The following DNAAF9 variants were observed in gnomAD, a reference collection of about 807,000 sequenced individuals.
DNAAF9 encodes dynein axonemal assembly factor 9, also known as shulin.
DNAAF9 carries 90 observed loss-of-function variants against 167.0 expected under a neutral mutation model. The observed-to-expected ratio is 0.54, with a 90% CI of 0.45 to 0.64. The LOEUF (loss-of-function observed/expected upper bound fraction) is 0.64, where lower values mean the gene tolerates loss of function less well. Ranked by LOEUF, DNAAF9 falls within the 30% of genes least tolerant of loss-of-function variation. The pLI is 0.00. For synonymous variants in DNAAF9, 491 were observed against 508.8 expected, an observed-to-expected ratio of 0.96 and a Z score of 0.47; for missense variants, 1,315 against 1,442.2, an observed-to-expected ratio of 0.91 and a Z score of 1.43.
At chr20:3,311,519 G>A (rs2069413166) in intron 20 of DNAAF9, among the ~76,000 whole-genome samples, 1 of 152,124 alleles carries the variant, frequency 6.6e-6, no homozygotes, top group South Asian at 2.1e-4. Context: ...CTGAGAAGCT[G>A]GGATTACAGG....
At chr20:3,382,728 A>T (rs998402838) in intron 1 of DNAAF9, among the ~76,000 whole-genome samples, 4 of 152,188 alleles carry the variant, frequency 2.6e-5, no homozygotes, top group African/African-American at 4.8e-5. Context: ...TCTGAAGACT[A>T]AGTCTGACCT....
chr20:3,323,274 CTTTTTTT>C (rs71195835), intron 14 of DNAAF9, among the ~76,000 whole-genome samples: 2 of 69,084 alleles, frequency 2.9e-5, no homozygotes, highest in African/African-American at 6.7e-5. Context: ...GTGAAGTAAT[CTTTTTTT>C]TTTTTTTTTT....
intron 29 of DNAAF9, 66 bp downstream of exon 29, chr20:3,278,846 A>C: frequency 8.4e-7 from 1 of 1,185,504 alleles, no homozygotes. Context: ...GCACGAAGAA[A>C]AGTCTATTGC....
chr20:3,262,769 C>T (rs2068414965), intron 31 of DNAAF9, among the ~76,000 whole-genome samples: 1 of 152,150 alleles, frequency 6.6e-6, no homozygotes, highest in Admixed American at 6.5e-5. Context: ...AAGGTTCCCC[C>T]AGAAGCTCCA....
At position 3,370,621 on chromosome 20, in the gene DNAAF9, G is replaced by A. The variant is rs867981617; in HGVS notation, c.612+3427C>T. On this transcript the variant is annotated intron_variant, in intron 6 of 36. Coordinates refer to ENST00000252032, the MANE Select transcript of DNAAF9 (RefSeq NM_001009984.3). Reference sequence around the variant, plus strand: ...GACGGGGTTTCACCATGTTGGCCAGGACGGTCCCGATCTCTTGACCTCATG... The same window carrying A: ...GACGGGGTTTCACCATGTTGGCCAGAACGGTCCCGATCTCTTGACCTCATG... Among the ~76,000 whole-genome samples, 4 of 152,124 alleles carry A rather than the reference G, an allele frequency of 2.6e-5. No individual in the cohort carries two copies. In the South Asian group the frequency reaches 8.3e-4, roughly 32 times the overall value.
intron 1 of DNAAF9, among the ~76,000 whole-genome samples, chr20:3,385,575 GCCA>G (rs1272054634): frequency 6.6e-6 from 1 of 152,052 alleles, no homozygotes; most frequent in African/African-American, 2.4e-5. Context: ...ACAGACACAT[GCCA>G]CCACACAAGC....
chr20:3,264,864 G>A (rs1040719413), intron 30 of DNAAF9, among the ~76,000 whole-genome samples: 2 of 152,092 alleles, frequency 1.3e-5, no homozygotes, highest in African/African-American at 4.8e-5. Context: ...CACCGAGCCC[G>A]GCCAGGACTG....
chr20:3,376,067 T>C (rs1328336055), intron 4 of DNAAF9, 111 bp downstream of exon 4: 2 of 981,934 alleles, frequency 2.0e-6, no homozygotes, highest in Non-Finnish European at 3.0e-6. Context: ...ATAATCTTTT[T>C]TATATAGTCA....
At position 3,359,570 on chromosome 20, in the gene DNAAF9, T is replaced by A; in HGVS notation, c.636A>T (p.Leu212=). 6.2e-7 allele frequency: 1 copy of A among 1,612,828 alleles called. No individual in the cohort carries two copies. Among genetic ancestry groups the A allele is most frequent in the Non-Finnish European group, 8.5e-7 (1 of 1,179,526 alleles). Reference sequence around the variant, plus strand: ...GATCCATCTTGCTGTAGACATTCCATAGATTCAAACTCACATCCTGCAACT... The same window carrying A: ...GATCCATCTTGCTGTAGACATTCCAAAGATTCAAACTCACATCCTGCAACT... The part of the protein sequence containing the change: ...KYELQDVSLN[L]WNVYSKMDPM... The change falls in exon 7 of 37, where the codon CTA becomes CTT. Residue 212 remains leucine, a synonymous_variant. Transcript: ENST00000252032.
chr20:3,341,202 T>C (rs2070077950), intron 9 of DNAAF9, among the ~76,000 whole-genome samples: 1 of 152,260 alleles, frequency 6.6e-6, no homozygotes, highest in East Asian at 1.9e-4. Flanking sequence ...CAGCCCACTC[T>C]AATCAGCCTC....
intron 1 of DNAAF9, among the ~76,000 whole-genome samples, chr20:3,389,362 G>A (rs1315706216): frequency 2.0e-5 from 3 of 151,140 alleles, no homozygotes; most frequent in Admixed American, 6.6e-5. Context: ...TGTTGCCCAG[G>A]CTGGTCTCAA....
intron 7 of DNAAF9, among the ~76,000 whole-genome samples, chr20:3,351,174 C>T (rs1190945308): frequency 6.6e-6 from 1 of 152,138 alleles, no homozygotes; most frequent in African/African-American, 2.4e-5. Context: ...AAATGTTAAA[C>T]TACATCATGG....
chr20:3,310,369 GA>G (rs1568596663), intron 20 of DNAAF9, among the ~76,000 whole-genome samples: 45 of 151,072 alleles, frequency 3.0e-4, no homozygotes, highest in African/African-American at 1.1e-3. Flanking sequence ...AAGAAAGAAA[GA>G]AAGAAAGAAA....
At chr20:3,274,837 G>T (rs1307124045) in intron 29 of DNAAF9, among the ~76,000 whole-genome samples, 2 of 152,200 alleles carry the variant, frequency 1.3e-5, no homozygotes, top group Non-Finnish European at 2.9e-5. Context: ...CAACCACTGG[G>T]AAACTAAGTC....
rs537653807 is a variant in DNAAF9, at chr20:3,376,108, C to T, written c.408+70G>A. ...TGCAATTTGATTGCTGATCCTATTT[C>T]AGATCAACACTTTCCTTAAAGAGTA... is the stretch of plus-strand genomic sequence containing the variant. On this transcript the variant is annotated intron_variant, in intron 4 of 36. Coordinates refer to ENST00000252032, the MANE Select transcript of DNAAF9 (RefSeq NM_001009984.3). 6 of 1,353,440 alleles carry T rather than the reference C, an allele frequency of 4.4e-6. No homozygotes were observed. In the South Asian group the frequency reaches 7.9e-5, roughly 18 times the overall value. 83.8% of individuals were successfully genotyped at this position (1,353,440 alleles called of 1,614,324 possible).
chr20:3,259,970 A>G lies in DNAAF9; in HGVS notation c.2932T>C (p.Trp978Arg). Residue 978 changes from tryptophan to arginine, a missense_variant, in exon 32 of 37, where the codon TGG (tryptophan) becomes CGG (arginine). Transcript: ENST00000252032. ...GTCTTCTCCAAGGGACGGCCAAACC[A>G]TACGCAGATCTGAACCATTAGGGGA... is the stretch of plus-strand genomic sequence containing the variant. Reference protein sequence around the residue: ...VYPLMVQICVWFGRPLEKTRF... With the variant: ...VYPLMVQICVRFGRPLEKTRF... 6.2e-7 allele frequency: 1 copy of G among 1,613,376 alleles called. No individual in the cohort carries two copies. The highest frequency in any genetic ancestry group is 8.5e-7 in the Non-Finnish European group (1 of 1,179,246).
intron 21 of DNAAF9, among the ~76,000 whole-genome samples, chr20:3,301,018 CT>C (rs71195831): frequency 0.26 from 37,618 of 143,952 alleles, 4,939 homozygotes; most frequent in East Asian, 0.37. Flanking sequence ...TTTTGTTTTC[CT>C]TTTTTTTTTT....
At chr20:3,406,744 G>C (rs1211575271) in intron 1 of DNAAF9, among the ~76,000 whole-genome samples, 2 of 152,078 alleles carry the variant, frequency 1.3e-5, no homozygotes, top group African/African-American at 2.4e-5. Flanking sequence ...GGAGGTTCTA[G>C]GCCTCTTTCC....
intron 6 of DNAAF9, among the ~76,000 whole-genome samples, chr20:3,373,774 G>A (rs900556637): frequency 1.3e-5 from 2 of 152,154 alleles, no homozygotes; most frequent in African/African-American, 2.4e-5. Context: ...CAATCTAGGG[G>A]GCTACAGGAG....
Sources: allele counts gnomAD v4.1 joint callset (sites outside exome capture counted in the v4.1 genomes callset), GRCh38; gene constraint gnomAD v4.1.1; transcripts MANE v1.5; gene names NCBI Gene and HGNC (gene_info 2026-07-23, HGNC 2026-07-21).